RBFOX1: variants seen among roughly 807,000 people sequenced by gnomAD.
RBFOX1 encodes RNA binding protein fox-1 homolog 1.
Under a neutral mutation model 57.7 loss-of-function variants are expected in RBFOX1, and 8 were observed. That is an observed-to-expected ratio of 0.14 (90% CI 0.08 to 0.25). RBFOX1 has a LOEUF of 0.25. Among genes scored for constraint, RBFOX1 ranks in the 10% least tolerant of loss-of-function variants. RBFOX1 has a pLI of 1.00. For synonymous variants in RBFOX1, 326 were observed against 222.4 expected (o/e 1.47, Z -4.15); for missense variants, 611 against 548.5 (o/e 1.11, Z -1.14).
chr16:6,986,115 T>C (rs2153600585), intron 3 of RBFOX1, among the ~76,000 whole-genome samples: 1 of 151,588 alleles, frequency 6.6e-6, no homozygotes, highest in East Asian at 1.9e-4. Context: ...TGAAAAATTC[T>C]AAACATGAAA....
chr16:6,820,242 C>G (rs1281117718), intron 3 of RBFOX1, among the ~76,000 whole-genome samples: 1 of 152,168 alleles, frequency 6.6e-6, no homozygotes, highest in Non-Finnish European at 1.5e-5. Flanking sequence ...TCGATTAAAC[C>G]TTTTCTTCTT....
intron 2 of RBFOX1, among the ~76,000 whole-genome samples, chr16:6,597,717 C>G (rs2097791186): frequency 6.6e-6 from 1 of 152,088 alleles, no homozygotes; most frequent in Non-Finnish European, 1.5e-5. Context: ...ATTCTGGCTG[C>G]TGAAACATCA....
At chr16:7,232,458 T>C (rs1055719910) in intron 4 of RBFOX1, among the ~76,000 whole-genome samples, 1 of 152,152 alleles carries the variant, frequency 6.6e-6, no homozygotes, top group Non-Finnish European at 1.5e-5. Context: ...TATTAGGTGC[T>C]CAATAAATAG....
intron 3 of RBFOX1, among the ~76,000 whole-genome samples, chr16:6,675,752 C>T (rs905303922): frequency 2.0e-5 from 3 of 152,136 alleles, no homozygotes; most frequent in Non-Finnish European, 4.4e-5. Flanking sequence ...ACCATCAGAT[C>T]TTGTGAGATT....
chr16:5,341,407 A>G (rs2065029001), intron 1 of RBFOX1, among the ~76,000 whole-genome samples: 1 of 152,172 alleles, frequency 6.6e-6, no homozygotes, highest in Non-Finnish European at 1.5e-5. Context: ...GAGAGAGATC[A>G]TGGGGGGTAG....
At chr16:5,667,503 A>G (rs1359464834) in intron 3 of RBFOX1, among the ~76,000 whole-genome samples, 5 of 152,210 alleles carry the variant, frequency 3.3e-5, no homozygotes, top group Non-Finnish European at 7.3e-5. Context: ...GTTTTCTAGG[A>G]TTGATGTGAG....
intron 3 of RBFOX1, among the ~76,000 whole-genome samples, chr16:6,957,934 G>C (rs1258546201): frequency 6.6e-6 from 1 of 152,108 alleles, no homozygotes; most frequent in African/African-American, 2.4e-5. Flanking sequence ...CCTAGCCCGA[G>C]AAGTCACACA....
chr16:5,823,019 C>G lies in RBFOX1; in HGVS notation c.319-44284C>G, dbSNP rs115860762. ...AGGAACTATGCTGTGTAGTAGATCT[C>G]AAGGACTTATTCATCAGTTTAAAAT... is the stretch of plus-strand genomic sequence containing the variant. On this transcript the variant is annotated intron_variant, in intron 3 of 19. Transcript: ENST00000641259. Among the ~76,000 whole-genome samples, 667 of 152,276 alleles carry G rather than the reference C, an allele frequency of 4.4e-3. 5 individuals are homozygous for G. The highest frequency in any genetic ancestry group is 0.015 in the African/African-American group (626 of 41,546).
intron 4 of RBFOX1, chr16:7,126,361 C>T (rs887359080): frequency 7.8e-6 from 2 of 254,970 alleles, no homozygotes; most frequent in Non-Finnish European, 1.6e-5. Context: ...GGTTTTTGGT[C>T]CCTGTGGGGT....
intron 1 of RBFOX1, among the ~76,000 whole-genome samples, chr16:5,381,736 C>T (rs1303007129): frequency 3.3e-5 from 5 of 152,210 alleles, no homozygotes; most frequent in Non-Finnish European, 5.9e-5. Context: ...TGATTAATGT[C>T]GCTTCATAAT....
chr16:7,375,171 C>G (rs967022443), intron 4 of RBFOX1, among the ~76,000 whole-genome samples: 1 of 152,194 alleles, frequency 6.6e-6, no homozygotes, highest in African/African-American at 2.4e-5. Flanking sequence ...ATATCATTAT[C>G]CCTACCCTAT....
intron 4 of RBFOX1, among the ~76,000 whole-genome samples, chr16:7,193,942 A>G (rs557495315): frequency 6.6e-5 from 10 of 151,300 alleles, no homozygotes; most frequent in Admixed American, 5.9e-4. Flanking sequence ...AGTAGCATCT[A>G]TCTCTAGCTA....
chr16:6,300,610 A>G (rs1309696555), intron 1 of RBFOX1, among the ~76,000 whole-genome samples: 1 of 152,168 alleles, frequency 6.6e-6, no homozygotes, highest in African/African-American at 2.4e-5. Flanking sequence ...ATCTAGTTTC[A>G]TCTTTCCAAT....
At chr16:6,982,477 G>A (rs1370544656) in intron 3 of RBFOX1, among the ~76,000 whole-genome samples, 1 of 152,132 alleles carries the variant, frequency 6.6e-6, no homozygotes, top group African/African-American at 2.4e-5. Flanking sequence ...ATTCGTTCAT[G>A]AGAGTCGTTG....
rs114607790 is a variant in RBFOX1 at position 5,669,553 on chromosome 16, G to A, written c.318+70592G>A. Among the ~76,000 whole-genome samples, 1,051 of 151,166 alleles carry A rather than the reference G, an allele frequency of 7.0e-3. 18 individuals are homozygous for A. Among genetic ancestry groups the A allele is most frequent in the African/African-American group, 0.025 (1,024 of 41,156 alleles). On this transcript the variant is annotated intron_variant, in intron 3 of 19. Transcript: ENST00000641259. ...TCCTGCCTCAGCCTGCCAAGTAGCCGGGATTGCAGGCATGCACCACCATGG... is the reference window on the plus strand; with the variant it reads ...TCCTGCCTCAGCCTGCCAAGTAGCCAGGATTGCAGGCATGCACCACCATGG...
At chr16:6,283,319 C>T (rs1353246629) in intron 1 of RBFOX1, among the ~76,000 whole-genome samples, 5 of 152,070 alleles carry the variant, frequency 3.3e-5, no homozygotes, top group Non-Finnish European at 7.4e-5. Flanking sequence ...AGCAAGACCT[C>T]ATCTCAAAAA....
intron 4 of RBFOX1, among the ~76,000 whole-genome samples, chr16:7,224,136 A>T (rs28611473): frequency 1.4e-5 from 2 of 141,440 alleles, no homozygotes; most frequent in South Asian, 2.4e-4. Flanking sequence ...CTAAAAAAAA[A>T]AAAAAAAAAA....
intron 3 of RBFOX1, among the ~76,000 whole-genome samples, chr16:7,001,248 C>T (rs1417620539): frequency 3.3e-5 from 5 of 152,060 alleles, no homozygotes; most frequent in South Asian, 2.1e-4. Flanking sequence ...TGTCTTTCTG[C>T]TGTCTCCTTG....
chr16:5,419,530 C>T (rs1567480328), intron 1 of RBFOX1, among the ~76,000 whole-genome samples: 1 of 151,954 alleles, frequency 6.6e-6, no homozygotes, highest in East Asian at 1.9e-4. Context: ...TTTGGTGACA[C>T]CCTCATAGAC....
Sources: gnomAD v4.1 joint callset for allele counts (sites outside exome capture counted in the v4.1 genomes callset) on GRCh38, gnomAD v4.1.1 for gene constraint, MANE v1.5 for transcripts, NCBI Gene and HGNC (gene_info 2026-07-23, HGNC 2026-07-21) for gene names.